AGL: variants seen among roughly 807,000 people sequenced by gnomAD.
The protein encoded by AGL is glycogen debranching enzyme.
In AGL, 128 loss-of-function variants were observed where a neutral mutation model predicts 199.3. The observed-to-expected ratio is 0.64, with a 90% CI of 0.56 to 0.74. The LOEUF is 0.74. Ranked by LOEUF, AGL falls within the 30% of genes least tolerant of loss-of-function variation. AGL has a pLI of 0.00. For synonymous variants in AGL, 584 were observed against 594.7 expected (o/e 0.98, Z 0.26); for missense variants, 1,809 against 1,820.8 (o/e 0.99, Z 0.12).
At chr1:99,855,638 CA>C in intron 2 of AGL, among the ~76,000 whole-genome samples, 1 of 151,790 alleles carries the variant, frequency 6.6e-6, no homozygotes, top group Non-Finnish European at 1.5e-5. Flanking sequence ...CCATCTCTAC[CA>C]AAAATACAAA....
chr1:99,856,313 TCCCTCCCTTCCTTCCTCCCTC>T (rs1649422968), intron 2 of AGL, among the ~76,000 whole-genome samples: 1 of 15,600 alleles, frequency 6.4e-5, no homozygotes, highest in Admixed American at 8.2e-4. Context: ...CCTTCCTCCC[TCCCTCCCTTCCTTCCTCCCTC>T]CCTCCCTCCC....
At chr1:99,918,870 C>T (rs115009902) in intron 33 of AGL, among the ~76,000 whole-genome samples, 6 of 152,182 alleles carry the variant, frequency 3.9e-5, no homozygotes, top group East Asian at 1.9e-4. Flanking sequence ...CCCTGTATTT[C>T]GAAAATTATG....
At chr1:99,914,502 C>G (rs566285016) in intron 30 of AGL, among the ~76,000 whole-genome samples, 2 of 152,126 alleles carry the variant, frequency 1.3e-5, no homozygotes, top group Non-Finnish European at 2.9e-5. Context: ...GCTGTTTTCA[C>G]GTTGTCAAAA....
intron 28 of AGL, 59 bp downstream of exon 28, chr1:99,910,906 G>A: frequency 6.5e-7 from 1 of 1,545,952 alleles, no homozygotes; most frequent in Non-Finnish European, 8.9e-7. Flanking sequence ...GCACTTACTT[G>A]TGGAATCTTT....
At chr1:99,870,307 A>C in intron 5 of AGL, 93 bp from the exon 6 acceptor site, 1 of 1,313,084 alleles carries the variant, frequency 7.6e-7, no homozygotes, top group Non-Finnish European at 1.1e-6. Flanking sequence ...AATGAGTGGT[A>C]GATCTTTATA....
At chr1:99,907,572 T>G (rs1453404033) in intron 27 of AGL, among the ~76,000 whole-genome samples, 1 of 152,172 alleles carries the variant, frequency 6.6e-6, no homozygotes, top group Non-Finnish European at 1.5e-5. Flanking sequence ...CTCTTACTAA[T>G]AGTAAACAGG....
intron 33 of AGL, among the ~76,000 whole-genome samples, chr1:99,917,870 T>C (rs1655246742): frequency 6.6e-6 from 1 of 152,184 alleles, no homozygotes; most frequent in Admixed American, 6.5e-5. Context: ...TTTTACCTGT[T>C]ATTACCCCCC....
rs1650119180 is a variant in AGL at position 99,862,368 on chromosome 1, G to C, written c.405G>C (p.Lys135Asn). Residue 135 changes from lysine to asparagine, a missense_variant, in exon 4 of 34, where the codon AAG becomes AAC. Lys to Asn is a moderately conservative substitution (Grantham distance 94). Coordinates refer to ENST00000361915, the MANE Select transcript of AGL (RefSeq NM_000642.3). ...DCVTLQTFLA[K>N]CLGPFDEWES... The stretch of plus-strand genomic sequence containing the variant: ...TTACTCTTCAGACATTTTTAGCTAA[G>C]TGTTTGGGACCTTTTGATGAATGGG... 1 of 1,614,084 alleles carries C rather than the reference G, an allele frequency of 6.2e-7. No homozygotes were observed. Among genetic ancestry groups the C allele is most frequent in the Non-Finnish European group, 8.5e-7 (1 of 1,180,006 alleles).
At chr1:99,899,530 T>TC (rs550883261) in intron 25 of AGL, among the ~76,000 whole-genome samples, 358 of 146,954 alleles carry the variant, frequency 2.4e-3, no homozygotes, top group African/African-American at 6.6e-3. Flanking sequence ...CTCTCTCTCT[T>TC]TCTCTCTCTC....
At chr1:99,903,149 TA>T (rs1421837398) in intron 27 of AGL, among the ~76,000 whole-genome samples, 1 of 152,166 alleles carries the variant, frequency 6.6e-6, no homozygotes, top group Admixed American at 6.5e-5. Flanking sequence ...TTTTTTTAAT[TA>T]TTATACTTTA....
chr1:99,922,051 T>C lies in AGL; in HGVS notation c.*400T>C, dbSNP rs541803127. 14 of 162,032 alleles carry C rather than the reference T, an allele frequency of 8.6e-5. No individual in the cohort carries two copies. The highest frequency in any genetic ancestry group is 6.5e-3 in the Middle Eastern group (2 of 310). The allele number at this position is 162,032 out of a possible 1,614,324, so 10.0% of individuals were successfully genotyped here. A position where few individuals can be genotyped will look rare whatever the true frequency, so the allele number is the denominator to read the frequency against. On this transcript the variant is annotated 3_prime_UTR_variant, in exon 34 of 34. Transcript: ENST00000361915. ...GTAACAATACATACTGAATACGCTGTGGTTCATTAATATTAACACCACGTA... is the reference window on the plus strand; with the variant it reads ...GTAACAATACATACTGAATACGCTGCGGTTCATTAATATTAACACCACGTA...
At chr1:99,907,953 C>T (rs1344082941) in intron 27 of AGL, among the ~76,000 whole-genome samples, 5 of 151,896 alleles carry the variant, frequency 3.3e-5, no homozygotes, top group Non-Finnish European at 7.4e-5. Context: ...AATATTTTCT[C>T]CCATATTGTG....
intron 5 of AGL, among the ~76,000 whole-genome samples, chr1:99,868,531 G>A (rs1220897500): frequency 2.0e-5 from 3 of 152,078 alleles, no homozygotes; most frequent in African/African-American, 7.2e-5. Flanking sequence ...AGAATCACTT[G>A]AACCCAGGAG....
At chr1:99,866,768 A>G (rs979776998) in intron 5 of AGL, among the ~76,000 whole-genome samples, 2 of 151,506 alleles carry the variant, frequency 1.3e-5, no homozygotes, top group African/African-American at 4.9e-5. Flanking sequence ...AGTGTTGCAA[A>G]TCGTAATATC....
At chr1:99,857,280 T>G (rs930120530) in intron 2 of AGL, among the ~76,000 whole-genome samples, 11 of 150,396 alleles carry the variant, frequency 7.3e-5, no homozygotes, top group African/African-American at 2.7e-4. Flanking sequence ...CGCTCCTCAC[T>G]TCCTAGATGG....
upstream of AGL, chr1:99,850,066 G>A (rs1648820547): frequency 1.3e-5 from 2 of 152,386 alleles, no homozygotes; most frequent in South Asian, 4.1e-4. Context: ...TAGCGGTCGG[G>A]GCGGGCGGGT....
chr1:99,915,418 A>G lies in AGL; in HGVS notation c.4191A>G (p.Ala1397=). 1 of 1,613,990 alleles carries G rather than the reference A, an allele frequency of 6.2e-7. No individual in the cohort carries two copies. The highest frequency in any genetic ancestry group is 8.5e-7 in the Non-Finnish European group (1 of 1,179,956). Residue 1397 remains alanine (A), a synonymous_variant, in exon 31 of 34, where the codon GCA becomes GCG. Transcript: ENST00000361915. ...VAPELFTTEK[A]WKALEIAEKK... is the part of the protein sequence containing the mutation. ...CTGAGCTCTTTACTACAGAAAAAGC[A>G]TGGAAAGCTTTGGAGATTGCAGAAA...
intron 7 of AGL, among the ~76,000 whole-genome samples, chr1:99,871,995 A>G (rs550890938): frequency 6.6e-6 from 1 of 151,888 alleles, no homozygotes; most frequent in Non-Finnish European, 1.5e-5. Context: ...TAAATTTTAT[A>G]TTTATTTTTA....
chr1:99,897,743 T>TG (rs1653445269), intron 25 of AGL, among the ~76,000 whole-genome samples: 2 of 152,208 alleles, frequency 1.3e-5, no homozygotes, highest in Non-Finnish European at 1.5e-5. Flanking sequence ...CAGCTTCTAA[T>TG]CCTGGTTCCA....
Sources: allele counts gnomAD v4.1 joint callset (sites outside exome capture counted in the v4.1 genomes callset), GRCh38; gene constraint gnomAD v4.1.1; transcripts MANE v1.5; gene names NCBI Gene and HGNC (gene_info 2026-07-23, HGNC 2026-07-21).